Variants in CCDC192 observed in about 807,000 individuals in gnomAD.
The protein encoded by CCDC192 is coiled-coil domain-containing protein 192.
At chr5:127,867,452 C>T (rs4836338) in intron 5 of CCDC192, among the ~76,000 whole-genome samples, 1 of 152,230 alleles carries the variant, frequency 6.6e-6, no homozygotes, top group Non-Finnish European at 1.5e-5. Flanking sequence ...TCTCTGGTTT[C>T]TGTGCTCTTC....
intron 6 of CCDC192, among the ~76,000 whole-genome samples, chr5:127,921,863 A>T (rs1753731747): frequency 6.6e-6 from 1 of 152,172 alleles, no homozygotes; most frequent in Non-Finnish European, 1.5e-5. Context: ...ATATATAAAT[A>T]ATTTTTTAAA....
At chr5:127,887,676 A>G (rs1292310417) in intron 6 of CCDC192, among the ~76,000 whole-genome samples, 3 of 151,920 alleles carry the variant, frequency 2.0e-5, no homozygotes, top group Non-Finnish European at 2.9e-5. Flanking sequence ...ATTATGTGTA[A>G]CATTAATTAA....
At position 127,871,355 on chromosome 5, in the gene CCDC192, TATG is replaced by T. The variant is rs1341724868; in HGVS notation, c.412-4180_412-4178del. On this transcript the variant is annotated intron_variant, in intron 5 of 6. Coordinates refer to ENST00000514853, the MANE Select transcript of CCDC192 (RefSeq NM_001317938.2). ...AGTATGAATTTTATTTTCTGTAAAG[TATG>T]ATAACTCCCATTTTATTTTCTGTAA... Among the ~76,000 whole-genome samples, 5 of 152,370 alleles carry T rather than the reference TATG, an allele frequency of 3.3e-5. 1 individual carries two copies. Among genetic ancestry groups the T allele is most frequent in the African/African-American group, 1.2e-4 (5 of 41,582 alleles).
chr5:127,925,440 C>T (rs1753837117), intron 6 of CCDC192, among the ~76,000 whole-genome samples: 1 of 152,154 alleles, frequency 6.6e-6, no homozygotes, highest in Non-Finnish European at 1.5e-5. Context: ...GAGTATTCCA[C>T]AAGCTGTCCT....
chr5:127,750,832 C>G (rs1359747325), intron 2 of CCDC192, among the ~76,000 whole-genome samples: 1 of 151,720 alleles, frequency 6.6e-6, no homozygotes, highest in Non-Finnish European at 1.5e-5. Context: ...GGGTAGTTAG[C>G]TCTTCTTGTT....
At chr5:127,873,593 C>G (rs1337698334) in intron 5 of CCDC192, among the ~76,000 whole-genome samples, 13 of 152,216 alleles carry the variant, frequency 8.5e-5, no homozygotes, top group Non-Finnish European at 1.2e-4. Flanking sequence ...TGGACACTTT[C>G]TAGCACTCCC....
rs78184709 is a variant in CCDC192, at chr5:127,829,098, C to T, written c.411+30936C>T. Among the ~76,000 whole-genome samples, 290 of 152,146 alleles carry T rather than the reference C, an allele frequency of 1.9e-3. 1 individual carries two copies. Among genetic ancestry groups the T allele is most frequent in the African/African-American group, 6.7e-3 (279 of 41,508 alleles). ...ATGGGAGATGTCTAGAGGGAGAACC[C>T]GGTATGCTGCTCCAAGAGCTTGGGC... On this transcript the variant is annotated intron_variant, in intron 5 of 6. Transcript: ENST00000514853.
chr5:127,799,471 T>G (rs1056946280), intron 5 of CCDC192, among the ~76,000 whole-genome samples: 1 of 152,192 alleles, frequency 6.6e-6, no homozygotes, highest in Non-Finnish European at 1.5e-5. Flanking sequence ...GCCTTTCCCC[T>G]GGTCTCCCCC....
At chr5:127,881,747 GTGT>G (rs1188268851) in intron 6 of CCDC192, among the ~76,000 whole-genome samples, 1 of 152,224 alleles carries the variant, frequency 6.6e-6, no homozygotes, top group Non-Finnish European at 1.5e-5. Context: ...TACAGCCTGA[GTGT>G]TGTTTGTTGA....
chr5:127,922,266 A>G (rs1753744298), intron 6 of CCDC192, among the ~76,000 whole-genome samples: 1 of 152,242 alleles, frequency 6.6e-6, no homozygotes, highest in Non-Finnish European at 1.5e-5. Context: ...CTTCTAGATA[A>G]CATTATTTAA....
At chr5:127,757,800 T>A (rs2569149) in intron 3 of CCDC192, among the ~76,000 whole-genome samples, 16,249 of 57,802 alleles carry the variant, frequency 0.28, 1,012 homozygotes, top group East Asian at 0.5. Context: ...ACACACACAC[T>A]CTCTCTCTCT....
intron 5 of CCDC192, among the ~76,000 whole-genome samples, chr5:127,865,977 G>A (rs1751593198): frequency 6.6e-6 from 1 of 151,740 alleles, no homozygotes; most frequent in African/African-American, 2.4e-5. Flanking sequence ...TTTATATACC[G>A]TGCTCCCTGT....
At chr5:127,858,535 G>A (rs944461330) in intron 5 of CCDC192, among the ~76,000 whole-genome samples, 1 of 152,156 alleles carries the variant, frequency 6.6e-6, no homozygotes. Context: ...GCAACTGACT[G>A]CATCTGTGTG....
At chr5:127,877,363 T>G (rs1752125584) in intron 6 of CCDC192, among the ~76,000 whole-genome samples, 1 of 152,278 alleles carries the variant, frequency 6.6e-6, no homozygotes, top group Admixed American at 6.5e-5. Context: ...GGATTTTTTT[T>G]TTAAACTACC....
intron 6 of CCDC192, among the ~76,000 whole-genome samples, chr5:127,895,468 A>G (rs1752854569): frequency 6.6e-6 from 1 of 152,202 alleles, no homozygotes; most frequent in African/African-American, 2.4e-5. Flanking sequence ...TATTTGTTTT[A>G]ATGAGTATTC....
At chr5:127,819,161 G>C (rs1036714816) in intron 5 of CCDC192, among the ~76,000 whole-genome samples, 4 of 152,098 alleles carry the variant, frequency 2.6e-5, no homozygotes, top group African/African-American at 9.7e-5. Context: ...TCCAGATAAA[G>C]ACCCCCTACT....
intron 6 of CCDC192, among the ~76,000 whole-genome samples, chr5:127,899,180 CA>C (rs1212153216): frequency 1.2e-4 from 18 of 151,932 alleles, no homozygotes; most frequent in African/African-American, 3.9e-4. Context: ...GGGGAGTGAA[CA>C]GGGGGAGCTT....
intron 2 of CCDC192, among the ~76,000 whole-genome samples, chr5:127,722,895 C>T (rs1467202987): frequency 6.6e-6 from 1 of 152,124 alleles, no homozygotes; most frequent in Non-Finnish European, 1.5e-5. Flanking sequence ...TAATGTGATT[C>T]CTCCAGTTTT....
At chr5:127,782,992 G>T (rs1432790477) in intron 3 of CCDC192, among the ~76,000 whole-genome samples, 1 of 148,078 alleles carries the variant, frequency 6.8e-6, no homozygotes, top group East Asian at 1.9e-4. Flanking sequence ...TATCTTAGAG[G>T]TGGGGTTTTT....
Sources: gnomAD v4.1 joint callset for allele counts (sites outside exome capture counted in the v4.1 genomes callset) on GRCh38, gnomAD v4.1.1 for gene constraint, MANE v1.5 for transcripts, NCBI Gene and HGNC (gene_info 2026-07-23, HGNC 2026-07-21) for gene names.